Variants in ATP10B observed in about 807,000 individuals in gnomAD.
ATP10B encodes ATPase phospholipid transporting 10B (putative).
In ATP10B, 122 loss-of-function variants were observed where a neutral mutation model predicts 141.2. The observed-to-expected ratio is 0.86, with a 90% confidence interval of 0.75 to 1.00. The LOEUF is 1.00. ATP10B is among the 50% of genes least tolerant of loss of function. The pLI is 0.00. For synonymous variants in ATP10B, 685 were observed against 692.0 expected, an observed-to-expected ratio of 0.99 and a Z score of 0.16; for missense variants, 1,876 against 1,825.3, an observed-to-expected ratio of 1.03 and a Z score of -0.51.
At chr5:160,776,759 C>T (rs7732722) in intron 2 of ATP10B, among the ~76,000 whole-genome samples, 67,978 of 152,010 alleles carry the variant, frequency 0.45, 15,434 homozygotes, top group East Asian at 0.59. Flanking sequence ...GTCATCTCTA[C>T]GCTTATAACA....
At chr5:160,591,198 A>C in intron 22 of ATP10B, 59 bp from the exon 23 acceptor site, 1 of 1,469,934 alleles carries the variant, frequency 6.8e-7, no homozygotes, top group Non-Finnish European at 9.3e-7. Context: ...TATTCTTTGC[A>C]AGCAACTTTC....
chr5:160,736,407 G>A (rs574312141), intron 2 of ATP10B, among the ~76,000 whole-genome samples: 2 of 152,228 alleles, frequency 1.3e-5, no homozygotes, highest in South Asian at 2.1e-4. Flanking sequence ...AAGACTGAAC[G>A]AGAAAGAAAT....
chr5:160,901,178 G>A, the ATP10B span, among the ~76,000 whole-genome samples: 2 of 152,140 alleles, frequency 1.3e-5, no homozygotes, highest in African/African-American at 4.8e-5. Flanking sequence ...TCACACCAAA[G>A]CCACATTCTA....
At chr5:160,652,934 TACATGTATATATA>T (rs1760957934) in intron 7 of ATP10B, among the ~76,000 whole-genome samples, 3 of 81,776 alleles carry the variant, frequency 3.7e-5, no homozygotes. Context: ...ATATTATATA[TACATGTATATATA>T]ATATATTATA....
intron 2 of ATP10B, among the ~76,000 whole-genome samples, chr5:160,732,448 C>T (rs1270949511): frequency 6.6e-6 from 1 of 152,098 alleles, no homozygotes; most frequent in Non-Finnish European, 1.5e-5. Flanking sequence ...ACATTTAAGT[C>T]TTTAATCTGT....
At chr5:160,897,989 T>C in the ATP10B span, among the ~76,000 whole-genome samples, 1 of 152,240 alleles carries the variant, frequency 6.6e-6, no homozygotes, top group Admixed American at 6.5e-5. Flanking sequence ...ACTAGCCATA[T>C]GCAGAAAACT....
intron 2 of ATP10B, among the ~76,000 whole-genome samples, chr5:160,769,922 T>A (rs1769760964): frequency 6.6e-6 from 1 of 152,200 alleles, no homozygotes; most frequent in Non-Finnish European, 1.5e-5. Context: ...CCGAAGGGGA[T>A]GCCATGTCAC....
intron 1 of ATP10B, among the ~76,000 whole-genome samples, chr5:160,827,373 T>TA (rs1162468657): frequency 2.6e-5 from 4 of 152,238 alleles, no homozygotes; most frequent in Admixed American, 2.0e-4. Context: ...AGATGGTATC[T>TA]AATTGTGGTT....
rs148447457 is a variant in ATP10B, at chr5:160,850,132, A to G, written c.-576+1809T>C. 6.0e-3 allele frequency among the ~76,000 whole-genome samples: 916 copies of G among 152,184 alleles called. 13 individuals carry two copies. The highest frequency in any genetic ancestry group is 0.021 in the African/African-American group (872 of 41,540). On this transcript the variant is annotated intron_variant, in intron 1 of 25. Transcript: ENST00000327245. ...GTGGTAGTAGAAGCAACACTGGGCC[A>G]GGTGCGGTGCTTACGCTTGTAATCC...
At chr5:160,702,989 C>T (rs1764764343) in intron 3 of ATP10B, among the ~76,000 whole-genome samples, 1 of 152,038 alleles carries the variant, frequency 6.6e-6, no homozygotes, top group South Asian at 2.1e-4. Flanking sequence ...TTTGCATATG[C>T]TAGAACTGAA....
chr5:160,580,449 G>C (rs1755469070), intron 24 of ATP10B, among the ~76,000 whole-genome samples: 1 of 122,604 alleles, frequency 8.2e-6, no homozygotes, highest in Admixed American at 8.5e-5. Context: ...TTCTGTTTAT[G>C]TGATGGATTA....
chr5:160,827,603 T>C (rs1284384518), intron 1 of ATP10B, among the ~76,000 whole-genome samples: 1 of 151,938 alleles, frequency 6.6e-6, no homozygotes, highest in Non-Finnish European at 1.5e-5. Context: ...TTTGAATTTT[T>C]GGTTTGTTGC....
chr5:160,730,014 T>G (rs1766626245), intron 2 of ATP10B, among the ~76,000 whole-genome samples: 1 of 152,216 alleles, frequency 6.6e-6, no homozygotes, highest in Admixed American at 6.5e-5. Flanking sequence ...ACGGTCATGC[T>G]AACAGCAATA....
intron 25 of ATP10B, 52 bp downstream of exon 25, chr5:160,569,444 T>C: frequency 6.3e-7 from 1 of 1,593,076 alleles, no homozygotes; most frequent in Non-Finnish European, 8.6e-7. Flanking sequence ...AAATGGCTTA[T>C]TAAAGGGAGA....
chr5:160,644,343 C>T (rs1760114386), intron 8 of ATP10B, 99 bp from the exon 9 acceptor site: 1 of 780,692 alleles, frequency 1.3e-6, no homozygotes. Flanking sequence ...GAACATGATC[C>T]CTCTCCTCCC....
chr5:160,716,707 A>G (rs1765681710), intron 3 of ATP10B, among the ~76,000 whole-genome samples: 1 of 152,208 alleles, frequency 6.6e-6, no homozygotes, highest in Admixed American at 6.5e-5. Context: ...ATGTAAAACA[A>G]ATCTAGAGGT....
chr5:160,823,729 G>A (rs1157176462), intron 1 of ATP10B, among the ~76,000 whole-genome samples: 1 of 152,016 alleles, frequency 6.6e-6, no homozygotes, highest in African/African-American at 2.4e-5. Context: ...AGCTACTTGG[G>A]AGGCTGAGGC....
chr5:160,769,408 C>A (rs1380565710), intron 2 of ATP10B, among the ~76,000 whole-genome samples: 2 of 152,208 alleles, frequency 1.3e-5, no homozygotes, highest in African/African-American at 4.8e-5. Flanking sequence ...AAGGCCCACA[C>A]AATTGCTCTA....
intron 2 of ATP10B, among the ~76,000 whole-genome samples, chr5:160,723,629 C>T (rs1271406572): frequency 1.3e-5 from 2 of 152,130 alleles, no homozygotes; most frequent in African/African-American, 4.8e-5. Flanking sequence ...ATTTCTCTCT[C>T]TCCCCTTCAT....
Sources: allele counts gnomAD v4.1 joint callset (sites outside exome capture counted in the v4.1 genomes callset), GRCh38; gene constraint gnomAD v4.1.1; transcripts MANE v1.5; gene names NCBI Gene and HGNC (gene_info 2026-07-23, HGNC 2026-07-21).